Variants in ATP10B observed in about 807,000 individuals in gnomAD.
The protein encoded by ATP10B is phospholipid-transporting ATPase VB.
Under a neutral mutation model 141.2 loss-of-function variants are expected in ATP10B, and 122 were observed. The ratio of observed to expected loss-of-function variants is 0.86; its 90% CI spans 0.75 to 1.00. The LOEUF is 1.00. Among genes scored for constraint, ATP10B ranks in the 50% least tolerant of loss-of-function variants. The pLI is 0.00. For synonymous variants in ATP10B, 685 were observed against 692.0 expected (o/e 0.99, Z 0.16); for missense variants, 1,876 against 1,825.3 (o/e 1.03, Z -0.51).
At chr5:160,916,405 T>TG in the ATP10B span, among the ~76,000 whole-genome samples, 2 of 152,182 alleles carry the variant, frequency 1.3e-5, no homozygotes, top group Admixed American at 1.3e-4. Flanking sequence ...ATGTTTTTTT[T>TG]GTAGATAGCT....
chr5:160,816,587 G>A (rs914935467), intron 1 of ATP10B, among the ~76,000 whole-genome samples: 2 of 152,180 alleles, frequency 1.3e-5, no homozygotes, highest in African/African-American at 4.8e-5. Flanking sequence ...GGAGGGGCTG[G>A]TACCATACTT....
At chr5:160,653,687 TAC>T (rs1361225305) in intron 7 of ATP10B, among the ~76,000 whole-genome samples, 9 of 121,230 alleles carry the variant, frequency 7.4e-5, no homozygotes, top group African/African-American at 2.5e-4. Context: ...TATACATATA[TAC>T]ATATATACAT....
At chr5:160,686,655 C>T (rs1030467259) in intron 5 of ATP10B, among the ~76,000 whole-genome samples, 1 of 152,164 alleles carries the variant, frequency 6.6e-6, no homozygotes, top group Non-Finnish European at 1.5e-5. Context: ...TGATTATTCT[C>T]AGGAATGGAA....
rs1757984930 is a variant in ATP10B at position 160,616,113 on chromosome 5, A to G, written c.2527-149T>C. ...TTTCTTCTCAAAGACTTTTTTTTAA[A>G]TATGTAAATTAATGAAGATTTATCC... On this transcript the variant is annotated intron_variant, in intron 16 of 25. Coordinates refer to ENST00000327245, the MANE Select transcript of ATP10B (RefSeq NM_025153.3). The G allele has an allele frequency of 3.7e-6, 3 of 802,056 alleles. No individual in the cohort carries two copies. In the East Asian group the frequency reaches 8.3e-5, roughly 22 times the overall value. The allele number at this position is 802,056 out of a possible 1,614,324, so 49.7% of individuals were successfully genotyped here.
chr5:160,855,726 T>G (rs1753978050), upstream of ATP10B, among the ~76,000 whole-genome samples: 1 of 151,938 alleles, frequency 6.6e-6, no homozygotes, highest in South Asian at 2.1e-4. Context: ...TTTTATGAAT[T>G]ACATTTAAGT....
At chr5:160,606,026 C>G (rs1249655284) in intron 19 of ATP10B, among the ~76,000 whole-genome samples, 1 of 152,112 alleles carries the variant, frequency 6.6e-6, no homozygotes, top group African/African-American at 2.4e-5. Flanking sequence ...GGACAAGGCC[C>G]ATGGAGAATG....
At chr5:160,678,446 G>A (rs1763173974) in intron 6 of ATP10B, among the ~76,000 whole-genome samples, 1 of 152,162 alleles carries the variant, frequency 6.6e-6, no homozygotes, top group Non-Finnish European at 1.5e-5. Flanking sequence ...ACCACTTGAG[G>A]CCAGGAGTTT....
rs2127591108 is a variant in ATP10B at position 160,565,398 on chromosome 5, T to C, written c.*55A>G. On this transcript the variant is annotated 3_prime_UTR_variant, in exon 26 of 26. Transcript: ENST00000327245. The stretch of plus-strand genomic sequence containing the variant: ...ATGAAGAAGAAGGGGTCAAGGGTTA[T>C]GTGGACCAGTGACTAGGTGGCCTCT... The C allele has an allele frequency of 2.6e-6, 4 of 1,543,414 alleles. No individual in the cohort carries two copies. In the South Asian group the frequency reaches 4.7e-5, roughly 18 times the overall value.
At chr5:160,777,853 T>C (rs979741818) in intron 2 of ATP10B, among the ~76,000 whole-genome samples, 1 of 152,216 alleles carries the variant, frequency 6.6e-6, no homozygotes, top group Non-Finnish European at 1.5e-5. Context: ...ATTTCTACTA[T>C]ACAATATTAT....
intron 22 of ATP10B, among the ~76,000 whole-genome samples, chr5:160,596,662 A>G (rs535943305): frequency 4.2e-4 from 64 of 151,560 alleles, no homozygotes; most frequent in African/African-American, 1.5e-3. Flanking sequence ...TCAGCCCAAA[A>G]TCTCCTTAAG....
chr5:160,784,737 A>G (rs937088056), intron 2 of ATP10B, among the ~76,000 whole-genome samples: 21 of 152,074 alleles, frequency 1.4e-4, no homozygotes, highest in African/African-American at 4.8e-4. Context: ...CTCTGCCATG[A>G]TGGAGTATGT....
At chr5:160,900,800 T>C in the ATP10B span, among the ~76,000 whole-genome samples, 1 of 151,148 alleles carries the variant, frequency 6.6e-6, no homozygotes, top group Non-Finnish European at 1.5e-5. Context: ...ACATTTTTTT[T>C]TTATTTGTGG....
the ATP10B span, among the ~76,000 whole-genome samples, chr5:160,878,068 T>C: frequency 1.3e-5 from 2 of 151,678 alleles, no homozygotes; most frequent in African/African-American, 2.4e-5. Flanking sequence ...AGAGCCCACA[T>C]TGCCAAGTCA....
chr5:160,811,773 T>G (rs573467657), intron 1 of ATP10B, among the ~76,000 whole-genome samples: 24 of 152,248 alleles, frequency 1.6e-4, no homozygotes, highest in African/African-American at 5.5e-4. Flanking sequence ...GGGAACTCAT[T>G]ACTCTGAAAG....
At chr5:160,880,425 T>C in the ATP10B span, among the ~76,000 whole-genome samples, 2 of 152,084 alleles carry the variant, frequency 1.3e-5, no homozygotes, top group Non-Finnish European at 2.9e-5. Flanking sequence ...AGAAGTTCTT[T>C]TGTGGCTATC....
chr5:160,874,468 G>T, the ATP10B span, among the ~76,000 whole-genome samples: 4 of 152,076 alleles, frequency 2.6e-5, no homozygotes, highest in East Asian at 1.9e-4. Flanking sequence ...ACTCTAAAAC[G>T]CAGAGTGCCT....
chr5:160,914,436 G>T, the ATP10B span, among the ~76,000 whole-genome samples: 4 of 152,128 alleles, frequency 2.6e-5, no homozygotes, highest in Non-Finnish European at 5.9e-5. Context: ...GAAATAAAAT[G>T]GTATAGCATT....
the ATP10B span, among the ~76,000 whole-genome samples, chr5:160,898,472 G>A: frequency 6.6e-6 from 1 of 152,106 alleles, no homozygotes; most frequent in Non-Finnish European, 1.5e-5. Context: ...TTAGAATGGT[G>A]ATCATTAAAA....
chr5:160,697,176 G>T (rs1764416687), intron 3 of ATP10B, among the ~76,000 whole-genome samples: 1 of 152,066 alleles, frequency 6.6e-6, no homozygotes, highest in African/African-American at 2.4e-5. Flanking sequence ...TGACATTTTA[G>T]ATTCAAAAAA....
Sources: gnomAD v4.1 joint callset for allele counts (sites outside exome capture counted in the v4.1 genomes callset) on GRCh38, gnomAD v4.1.1 for gene constraint, MANE v1.5 for transcripts, NCBI Gene and HGNC (gene_info 2026-07-23, HGNC 2026-07-21) for gene names.